Variants in TENM2 observed in about 807,000 individuals in gnomAD.
The protein encoded by TENM2 is teneurin-2.
In TENM2, 52 loss-of-function variants were observed where a neutral mutation model predicts 245.2. The ratio of observed to expected loss-of-function variants is 0.21; its 90% CI spans 0.17 to 0.27. TENM2 has a LOEUF of 0.27. Among genes scored for constraint, TENM2 ranks in the 10% least tolerant of loss-of-function variants. The pLI, the probability that TENM2 is intolerant of heterozygous loss-of-function variation, is 1.00. For missense variants in TENM2, 3,046 were observed against 3,666.8 expected (o/e 0.83, Z 4.37); for synonymous variants, 1,363 against 1,438.9 (o/e 0.95, Z 1.19).
chr5:167,241,751 C>A, the TENM2 span, among the ~76,000 whole-genome samples: 2 of 152,060 alleles, frequency 1.3e-5, no homozygotes, highest in Non-Finnish European at 2.9e-5. Flanking sequence ...GCGATGGGAA[C>A]AGGAGCAAGA....
At chr5:167,409,530 T>A (rs1762801804) in intron 2 of TENM2, among the ~76,000 whole-genome samples, 1 of 151,978 alleles carries the variant, frequency 6.6e-6, no homozygotes, top group Non-Finnish European at 1.5e-5. Flanking sequence ...CAATTAAGCT[T>A]TAAAAAAACA....
intron 2 of TENM2, among the ~76,000 whole-genome samples, chr5:167,459,209 T>C (rs1766128600): frequency 6.6e-6 from 1 of 152,188 alleles, no homozygotes; most frequent in Non-Finnish European, 1.5e-5. Flanking sequence ...TGAATTTAAC[T>C]CTTCAGGTAC....
intron 2 of TENM2, among the ~76,000 whole-genome samples, chr5:167,434,283 T>C (rs903982318): frequency 2.0e-5 from 3 of 151,402 alleles, no homozygotes; most frequent in African/African-American, 7.3e-5. Flanking sequence ...TAGCTGGATA[T>C]GGTGGCAGGT....
chr5:167,201,949 T>G, the TENM2 span, among the ~76,000 whole-genome samples: 1 of 152,138 alleles, frequency 6.6e-6, no homozygotes, highest in Non-Finnish European at 1.5e-5. Flanking sequence ...ATTTTTCTTA[T>G]AGTGACTGGT....
chr5:167,893,383 T>G (rs1050624180), intron 3 of TENM2, among the ~76,000 whole-genome samples: 2 of 152,162 alleles, frequency 1.3e-5, no homozygotes, highest in African/African-American at 4.8e-5. Context: ...TTTAACTTCC[T>G]ATATTGTAGT....
the TENM2 span, among the ~76,000 whole-genome samples, chr5:167,220,690 T>A: frequency 1.6e-3 from 249 of 152,296 alleles, 8 homozygotes; most frequent in East Asian, 0.035. Flanking sequence ...TTTGTTACCT[T>A]AGGCAAATTA....
At chr5:168,237,596 C>T (rs1447118696) in intron 25 of TENM2, among the ~76,000 whole-genome samples, 1 of 152,062 alleles carries the variant, frequency 6.6e-6, no homozygotes, top group Non-Finnish European at 1.5e-5. Context: ...ATCAAAACCG[C>T]CACTCAAACT....
intron 2 of TENM2, among the ~76,000 whole-genome samples, chr5:167,553,215 G>A (rs1468348711): frequency 6.6e-6 from 1 of 152,140 alleles, no homozygotes; most frequent in Admixed American, 6.6e-5. Context: ...AGACCATTCC[G>A]GACACATAAA....
chr5:167,670,210 C>A (rs1199155559), intron 2 of TENM2, among the ~76,000 whole-genome samples: 3 of 152,096 alleles, frequency 2.0e-5, no homozygotes, highest in Middle Eastern at 3.2e-3. Flanking sequence ...TGTTTCACAT[C>A]AAAAAGATGG....
At chr5:167,406,591 T>C (rs918701537) in intron 2 of TENM2, among the ~76,000 whole-genome samples, 2 of 152,182 alleles carry the variant, frequency 1.3e-5, no homozygotes, top group African/African-American at 4.8e-5. Flanking sequence ...TCTTCTGTTA[T>C]AATGAGCATA....
intron 2 of TENM2, among the ~76,000 whole-genome samples, chr5:167,852,896 G>C (rs1205771345): frequency 6.6e-6 from 1 of 152,178 alleles, no homozygotes; most frequent in African/African-American, 2.4e-5. Flanking sequence ...AAAGTCGGAA[G>C]ATGGAAACCT....
chr5:167,069,246 G>A, the TENM2 span, among the ~76,000 whole-genome samples: 1 of 152,038 alleles, frequency 6.6e-6, no homozygotes, highest in Admixed American at 6.6e-5. Flanking sequence ...TATTCCTATT[G>A]TCTGGATTTT....
At chr5:167,807,156 A>AT (rs1766259598) in intron 2 of TENM2, among the ~76,000 whole-genome samples, 1 of 137,546 alleles carries the variant, frequency 7.3e-6, no homozygotes, top group Non-Finnish European at 1.6e-5. Flanking sequence ...AAAAAAAAAA[A>AT]GAAGAAGAAG....
chr5:167,201,951 G>C, the TENM2 span, among the ~76,000 whole-genome samples: 3 of 152,046 alleles, frequency 2.0e-5, no homozygotes, highest in African/African-American at 7.2e-5. Context: ...TTTTCTTATA[G>C]TGACTGGTGT....
intron 2 of TENM2, among the ~76,000 whole-genome samples, chr5:167,860,046 C>A (rs1444828220): frequency 1.1e-5 from 1 of 92,004 alleles, no homozygotes; most frequent in Admixed American, 9.5e-5. Flanking sequence ...CCGCCCCGTC[C>A]GGGAGGGAGG....
At chr5:167,138,283 G>A in the TENM2 span, among the ~76,000 whole-genome samples, 1 of 152,226 alleles carries the variant, frequency 6.6e-6, no homozygotes, top group Non-Finnish European at 1.5e-5. Flanking sequence ...GGATATAGCA[G>A]TTAAAGTGTA....
chr5:168,251,979 C>T (rs1251380095), intron 27 of TENM2, among the ~76,000 whole-genome samples: 1 of 152,214 alleles, frequency 6.6e-6, no homozygotes, highest in Non-Finnish European at 1.5e-5. Context: ...GGTTCCTTCT[C>T]ACTTACAGGC....
intron 2 of TENM2, among the ~76,000 whole-genome samples, chr5:167,509,018 A>G (rs917016722): frequency 2.0e-5 from 3 of 152,110 alleles, no homozygotes; most frequent in African/African-American, 4.8e-5. Context: ...GGGTTTCACC[A>G]TGTTGGCCAG....
intron 3 of TENM2, among the ~76,000 whole-genome samples, chr5:167,923,637 T>G (rs1777538598): frequency 6.6e-6 from 1 of 152,150 alleles, no homozygotes; most frequent in South Asian, 2.1e-4. Flanking sequence ...GCCACATGTA[T>G]TAGCTCATTG....
Sources: gnomAD v4.1 joint callset for allele counts (sites outside exome capture counted in the v4.1 genomes callset) on GRCh38, gnomAD v4.1.1 for gene constraint, MANE v1.5 for transcripts, NCBI Gene and HGNC (gene_info 2026-07-23, HGNC 2026-07-21) for gene names.